The following LRP1 variants were observed in gnomAD, a reference collection of about 807,000 sequenced individuals.
LRP1 encodes prolow-density lipoprotein receptor-related protein 1.
LRP1 carries 51 observed loss-of-function variants against 541.5 expected under a neutral mutation model. The ratio of observed to expected loss-of-function variants is 0.09; its 90% CI spans 0.08 to 0.12. The LOEUF (loss-of-function observed/expected upper bound fraction) is 0.12, where lower values mean the gene tolerates loss of function less well. LRP1 is among the 10% of genes least tolerant of loss of function. The pLI, the probability that LRP1 is intolerant of heterozygous loss-of-function variation, is 1.00. For missense variants in LRP1, 3,878 were observed against 6,376.2 expected, an observed-to-expected ratio of 0.61 and a Z score of 13.34; for synonymous variants, 2,219 against 2,470.8, an observed-to-expected ratio of 0.90 and a Z score of 3.02.
chr12:57,202,649 G>A, intron 68 of LRP1, 112 bp downstream of exon 68: 2 of 790,562 alleles, frequency 2.5e-6, no homozygotes, highest in Admixed American at 2.1e-5. Flanking sequence ...CCAGGGTGGG[G>A]GCAGGAGCCG....
Position 57,184,550 on chromosome 12 carries a change from G to A in LRP1, c.6186+98G>A. 12 of 1,525,700 alleles carry A rather than the reference G, an allele frequency of 7.9e-6. No individual in the cohort carries two copies. Among genetic ancestry groups the A allele is most frequent in the Non-Finnish European group, 1.1e-5 (12 of 1,130,380 alleles). 94.5% of individuals were successfully genotyped at this position (1,525,700 alleles called of 1,614,324 possible). A position where few individuals can be genotyped will look rare whatever the true frequency, so the allele number is the denominator to read the frequency against. On this transcript the variant is annotated intron_variant, in intron 38 of 88. Coordinates refer to ENST00000243077, the MANE Select transcript of LRP1 (RefSeq NM_002332.3). This position sits in a 1 kb window ranked among gnomAD's most constrained non-coding sequence, Gnocchi z 7.8. The stretch of plus-strand genomic sequence containing the variant: ...CATTCTGGGAGGACTTGGAGCCCAG[G>A]GGAAGTCACAGGGTCTCCCAGCCCA...
chr12:57,148,386 G>C (rs1359166087), intron 6 of LRP1, among the ~76,000 whole-genome samples: 1 of 152,100 alleles, frequency 6.6e-6, no homozygotes, highest in Non-Finnish European at 1.5e-5. Flanking sequence ...TGAAAATTGA[G>C]GCCCAGAGGG....
At chr12:57,198,380 G>T (rs571952384) in intron 59 of LRP1, 37 bp downstream of exon 59, 26 of 1,606,508 alleles carry the variant, frequency 1.6e-5, no homozygotes, top group Non-Finnish European at 2.2e-5. Context: ...GCCCCTGAAA[G>T]CAGCATCCAA....
Position 57,199,416 on chromosome 12 carries a change from G to T in LRP1, c.9865+16G>T. 1 of 1,602,846 alleles carries T rather than the reference G, an allele frequency of 6.2e-7. No homozygotes were observed. Among genetic ancestry groups the T allele is most frequent in the South Asian group, 1.1e-5 (1 of 90,592 alleles). ...CAGCCAGACGGTGAGCAGGCAAGGG[G>T]TGGGAGCAGGCGAACGGTGAGCCAG... On this transcript the variant is annotated intron_variant, in intron 61 of 88. Coordinates refer to ENST00000243077, the MANE Select transcript of LRP1 (RefSeq NM_002332.3).
chr12:57,190,781 G>A, intron 42 of LRP1, 24 bp from the exon 43 acceptor site: 2 of 1,609,392 alleles, frequency 1.2e-6, no homozygotes, highest in Non-Finnish European at 1.7e-6. Context: ...TTTGCCTCCT[G>A]ATCTCTGGAC....
intron 11 of LRP1, 96 bp from the exon 12 acceptor site, chr12:57,159,729 G>T: frequency 7.9e-7 from 1 of 1,272,330 alleles, no homozygotes. Context: ...CTGTAGCCCA[G>T]ACTGCTCAAA....
Position 57,206,508 on chromosome 12 carries a change from A to G in LRP1, c.11626A>G (p.Asn3876Asp). The change falls in exon 76 of 89, where the codon AAT becomes GAT. Residue 3876 changes from asparagine to aspartate, a missense_variant. This residue lies in a region of LRP1 where 871 missense variants were observed against 1,212.4 expected (regional missense o/e 0.72). Transcript: ENST00000243077. This position sits in a 1 kb window ranked among gnomAD's most constrained non-coding sequence, Gnocchi z 4.7. Reference protein sequence around the residue: ...EYQVLYIADDNEIRSLFPGHP... With the variant: ...EYQVLYIADDDEIRSLFPGHP... ...CCAGGTCCTGTACATCGCTGATGAC[A>G]ATGAGATCCGCAGCCTGTTCCCCGG... The G allele has an allele frequency of 6.2e-7, 1 of 1,614,162 alleles. No homozygotes were observed. Among genetic ancestry groups the G allele is most frequent in the Non-Finnish European group, 8.5e-7 (1 of 1,180,030 alleles).
At chr12:57,174,378 G>A (rs2036003598) in intron 22 of LRP1, among the ~76,000 whole-genome samples, 1 of 152,182 alleles carries the variant, frequency 6.6e-6, no homozygotes, top group African/African-American at 2.4e-5. Flanking sequence ...CTCTTGTGGA[G>A]ACAAAGGCAC....
At chr12:57,180,560 A>G in intron 32 of LRP1, 81 bp downstream of exon 32, 2 of 1,607,236 alleles carry the variant, frequency 1.2e-6, no homozygotes, top group Non-Finnish European at 1.7e-6. Flanking sequence ...GGCTTGGGGC[A>G]GTCTCTCACC....
At position 57,205,744 on chromosome 12, in the gene LRP1, G is replaced by C. The variant is rs537362455; in HGVS notation, c.11590+67G>C. 14 of 1,584,028 alleles carry C rather than the reference G, an allele frequency of 8.8e-6. No homozygotes were observed. In the African/African-American group the frequency reaches 1.6e-4, roughly 18 times the overall value. On this transcript the variant is annotated intron_variant, in intron 75 of 88. Coordinates refer to ENST00000243077, the MANE Select transcript of LRP1 (RefSeq NM_002332.3). The surrounding 1 kb of genome is among the most constrained non-coding windows in gnomAD (Gnocchi z 4.6). ...GGCGACCAGGATATCAAACGGGGCC[G>C]ACTTGGAATGGAATGTCTTCCTGCG...
rs180886653 is a variant in LRP1 at position 57,166,507 on chromosome 12, G to A, written c.2797+298G>A. ...GCCTGGGAGGTTGAGGCTGCAGTGA[G>A]CCATGGTCATGCCACTGCTCTCCAG... On this transcript the variant is annotated intron_variant, in intron 17 of 88. Coordinates refer to ENST00000243077, the MANE Select transcript of LRP1 (RefSeq NM_002332.3). The A allele has an allele frequency of 3.4e-4, 144 of 419,912 alleles. 1 individual carries two copies. The East Asian group carries it at 4.1e-3, about 12-fold the overall frequency. The allele number at this position is 419,912 out of a possible 1,614,324, so 26.0% of individuals were successfully genotyped here. A position where few individuals can be genotyped will look rare whatever the true frequency, so the allele number is the denominator to read the frequency against.
Position 57,201,398 on chromosome 12 carries a change from C to G in LRP1, c.10346-99C>G. The G allele has an allele frequency of 6.6e-7, 1 of 1,511,590 alleles. No homozygotes were observed. The highest frequency in any genetic ancestry group is 8.9e-7 in the Non-Finnish European group (1 of 1,122,078). 93.6% of individuals were successfully genotyped at this position (1,511,590 alleles called of 1,614,324 possible). The stretch of plus-strand genomic sequence containing the variant: ...TTCCTTCCTCCGAAGAAGTTGCTGG[C>G]AGGACCAAGGCCAGGGCTTGGAAGA... On this transcript the variant is annotated intron_variant, in intron 65 of 88. Transcript: ENST00000243077. The surrounding 1 kb of genome is among the most constrained non-coding windows in gnomAD (Gnocchi z 6.4).
chr12:57,149,009 A>G (rs2035473112), intron 6 of LRP1: 4 of 676,672 alleles, frequency 5.9e-6, no homozygotes, highest in Non-Finnish European at 1.1e-5. Context: ...CACAACAGGA[A>G]ATGGGGTAGT....
chr12:57,156,913 A>G lies in LRP1; in HGVS notation c.1554A>G (p.Ser518=). 1 of 1,575,924 alleles carries G rather than the reference A, an allele frequency of 6.3e-7. No individual in the cohort carries two copies. The highest frequency in any genetic ancestry group is 8.6e-7 in the Non-Finnish European group (1 of 1,160,170). The change falls in exon 10 of 89, where the codon TCA becomes TCG. Residue 518 remains serine, a synonymous_variant. Transcript: ENST00000243077. This position sits in a 1 kb window ranked among gnomAD's most constrained non-coding sequence, Gnocchi z 5.2. ...TCAGCCTGGGCAGTGACGGGAAGTC[A>G]TGCAAGAGTGAGTGACAGGGAAGGG... ...SGFSLGSDGK[S]CKKPEHELFL...
In LRP1 at chr12:57,191,744, A is replaced by G. The variant is rs576318491; in HGVS notation, c.7429+232A>G. On this transcript the variant is annotated intron_variant, in intron 44 of 88. Coordinates refer to ENST00000243077, the MANE Select transcript of LRP1 (RefSeq NM_002332.3). ...CACACCCCCCACACACCACATACAC[A>G]TACACCCCCAACACATACACACACA... Among the ~76,000 whole-genome samples the G allele has an allele frequency of 9.8e-5, 3 of 30,710 alleles. No individual in the cohort carries two copies. In the East Asian group the frequency reaches 3.9e-3, roughly 40 times the overall value. 20.1% of individuals were successfully genotyped at this position (30,710 alleles called of 152,430 possible).
At chr12:57,163,119 G>A in intron 15 of LRP1, 136 bp downstream of exon 15, 1 of 1,281,466 alleles carries the variant, frequency 7.8e-7, no homozygotes, top group Non-Finnish European at 1.0e-6. Flanking sequence ...CCAACAGGAA[G>A]CAAGGGAGGG....
chr12:57,129,161 C>T, intron 1 of LRP1, 130 bp downstream of exon 1: 2 of 992,634 alleles, frequency 2.0e-6, no homozygotes, highest in Non-Finnish European at 3.0e-6. Context: ...GCTGACACAG[C>T]AGCGGCCCGA....
chr12:57,169,022 G>T, intron 19 of LRP1, 118 bp from the exon 20 acceptor site: 3 of 807,706 alleles, frequency 3.7e-6, no homozygotes, highest in East Asian at 5.0e-5. Context: ...TATTTTCCCA[G>T]TGGGGGGGTT....
Position 57,208,834 on chromosome 12 carries a change from G to A in LRP1, c.12145+17G>A. The A allele has an allele frequency of 6.2e-7, 1 of 1,601,024 alleles. No homozygotes were observed. Among genetic ancestry groups the A allele is most frequent in the Admixed American group, 1.7e-5 (1 of 59,798 alleles). On this transcript the variant is annotated intron_variant, in intron 78 of 88. Transcript: ENST00000243077. ...GGCCCACAGGTTTGTGGGGCAGGGT[G>A]CAGGAGGGACGGGCATGGAGGGGGC...
Sources: allele counts gnomAD v4.1 joint callset (sites outside exome capture counted in the v4.1 genomes callset), GRCh38; gene constraint gnomAD v4.1.1; regional missense constraint gnomAD v4.1.1; non-coding constraint Gnocchi (gnomAD v3.1); transcripts MANE v1.5; gene names NCBI Gene and HGNC (gene_info 2026-07-23, HGNC 2026-07-21).